DENND1B: variants seen among roughly 807,000 people sequenced by gnomAD.
DENND1B encodes the protein DENN domain-containing protein 1B.
Under a neutral mutation model 90.1 loss-of-function variants are expected in DENND1B, and 59 were observed. That is an observed-to-expected ratio of 0.65 (90% CI 0.53 to 0.81). The LOEUF (loss-of-function observed/expected upper bound fraction) is 0.81. Ranked by LOEUF, DENND1B falls within the 40% of genes least tolerant of loss-of-function variation. The pLI is 0.00. For missense variants in DENND1B, 862 were observed against 912.6 expected, an observed-to-expected ratio of 0.94 and a Z score of 0.71; for synonymous variants, 337 against 324.6, an observed-to-expected ratio of 1.04 and a Z score of -0.41.
chr1:197,747,641 C>T (rs1652880975), intron 2 of DENND1B, among the ~76,000 whole-genome samples: 1 of 152,184 alleles, frequency 6.6e-6, no homozygotes. Context: ...TTAAAAAATG[C>T]AATACCTAAA....
chr1:197,614,734 AATTT>A (rs1321328920), intron 11 of DENND1B, among the ~76,000 whole-genome samples: 1 of 150,954 alleles, frequency 6.6e-6, no homozygotes, highest in East Asian at 2.0e-4. Context: ...TAAAGAATAC[AATTT>A]TCCATTTTTT....
At chr1:197,702,705 T>C (rs1461886802) in intron 3 of DENND1B, among the ~76,000 whole-genome samples, 1 of 152,206 alleles carries the variant, frequency 6.6e-6, no homozygotes, top group Non-Finnish European at 1.5e-5. Flanking sequence ...CCTATTTTAC[T>C]AAAACATAAA....
chr1:197,552,610 T>G, intron 16 of DENND1B: 1 of 994,760 alleles, frequency 1.0e-6, no homozygotes, highest in South Asian at 4.6e-5. Flanking sequence ...AATTTTGGTG[T>G]TCAGACCCTT....
At chr1:197,747,898 G>A (rs930318724) in intron 2 of DENND1B, among the ~76,000 whole-genome samples, 1 of 152,200 alleles carries the variant, frequency 6.6e-6, no homozygotes, top group African/African-American at 2.4e-5. Context: ...TTGTGCCATA[G>A]ATAATAAAGT....
At chr1:197,683,185 A>T (rs1472127023) in intron 3 of DENND1B, among the ~76,000 whole-genome samples, 1 of 152,182 alleles carries the variant, frequency 6.6e-6, no homozygotes, top group African/African-American at 2.4e-5. Flanking sequence ...TGTCAAAACT[A>T]ATCTCATTGT....
chr1:197,702,733 T>C (rs1328573484), intron 3 of DENND1B, among the ~76,000 whole-genome samples: 5 of 152,208 alleles, frequency 3.3e-5, no homozygotes, highest in Admixed American at 3.3e-4. Flanking sequence ...TGGGCAGCTC[T>C]GGCAGTCTGT....
chr1:197,625,371 A>G (rs2125881406), intron 10 of DENND1B, among the ~76,000 whole-genome samples: 1 of 152,272 alleles, frequency 6.6e-6, no homozygotes, highest in Non-Finnish European at 1.5e-5. Flanking sequence ...AACATTCTTA[A>G]AGAAAAGAAT....
chr1:197,554,454 T>C (rs1369748596), intron 15 of DENND1B, among the ~76,000 whole-genome samples: 2 of 152,232 alleles, frequency 1.3e-5, no homozygotes, highest in South Asian at 4.1e-4. Context: ...GAAACTCAGA[T>C]ACTTCCTTGG....
At chr1:197,589,993 AT>A (rs974411319) in intron 14 of DENND1B, among the ~76,000 whole-genome samples, 8 of 152,220 alleles carry the variant, frequency 5.3e-5, no homozygotes, top group African/African-American at 1.7e-4. Flanking sequence ...AATTTGACTT[AT>A]TTTTTTATAG....
At chr1:197,579,658 G>A (rs776831650) in intron 15 of DENND1B, among the ~76,000 whole-genome samples, 1 of 152,020 alleles carries the variant, frequency 6.6e-6, no homozygotes, top group Non-Finnish European at 1.5e-5. Flanking sequence ...ATGAATTTAA[G>A]GACATTCTTA....
At chr1:197,774,524 T>C (rs1320756834) in intron 1 of DENND1B, 4 of 152,214 alleles carry the variant, frequency 2.6e-5, no homozygotes, top group African/African-American at 9.6e-5. Context: ...ATAAATACTT[T>C]AGCACACACA....
chr1:197,614,587 G>A lies in DENND1B; in HGVS notation c.774-2611C>T, dbSNP rs1379817920. Among the ~76,000 whole-genome samples, 3 of 150,922 alleles carry A rather than the reference G, an allele frequency of 2.0e-5. No homozygotes were observed. In the Admixed American group the frequency reaches 2.0e-4, roughly 10 times the overall value. On this transcript the variant is annotated intron_variant, in intron 11 of 22. Transcript: ENST00000620048. ...AGTTATTTTGCAAAGATAGGATACA[G>A]AAGCCTCCATATGATTGCTGCTTCT...
At chr1:197,527,458 T>C (rs533896918) in intron 20 of DENND1B, among the ~76,000 whole-genome samples, 1 of 152,188 alleles carries the variant, frequency 6.6e-6, no homozygotes, top group East Asian at 1.9e-4. Context: ...AATTTTGTAT[T>C]TTTAGTAGAG....
chr1:197,572,465 A>G (rs1673259579), intron 15 of DENND1B, among the ~76,000 whole-genome samples: 1 of 152,226 alleles, frequency 6.6e-6, no homozygotes. Flanking sequence ...TACTGCCTCT[A>G]TAGACTCCAC....
Position 197,553,064 on chromosome 1 carries a change from C to G in DENND1B, c.1198G>C (p.Asp400His), listed in dbSNP as rs1439956184. 3 of 1,557,950 alleles carry G rather than the reference C, an allele frequency of 1.9e-6. No homozygotes were observed. The African/African-American group carries it at 4.2e-5, about 22-fold the overall frequency. ...AKLNAGRGFS[D>H]VFEEEITSGG... ...GAAGTGATCTCTTCTTCAAATACAT[C>G]AGAGAAACCCCTTCCTGCATTTAGT... The change falls in exon 16 of 23, where the codon GAT (aspartate) becomes CAT (histidine). Residue 400 changes from aspartate (D) to histidine (H), a missense_variant. Physicochemically the swap from Asp to His is moderately conservative, Grantham distance 81. Transcript: ENST00000620048.
chr1:197,685,755 C>G (rs1657168300), intron 3 of DENND1B: 1 of 151,820 alleles, frequency 6.6e-6, no homozygotes, highest in South Asian at 2.1e-4. Context: ...AATTTAAAAT[C>G]TGAAGTCCTA....
chr1:197,536,643 T>C (rs1571780553), intron 20 of DENND1B, among the ~76,000 whole-genome samples: 1 of 152,086 alleles, frequency 6.6e-6, no homozygotes, highest in African/African-American at 2.4e-5. Flanking sequence ...AATCTAAAAC[T>C]AAAAAATCAA....
chr1:197,589,581 C>A (rs1473594871), intron 14 of DENND1B, among the ~76,000 whole-genome samples: 1 of 152,094 alleles, frequency 6.6e-6, no homozygotes, highest in African/African-American at 2.4e-5. Context: ...AATGTTAAGA[C>A]AAAGATTTAG....
rs1235185919 is a variant in DENND1B, at chr1:197,625,553, C to G, written c.673-7794G>C. Among the ~76,000 whole-genome samples the G allele has an allele frequency of 2.0e-5, 3 of 152,114 alleles. No homozygotes were observed. In the East Asian group the frequency reaches 5.8e-4, roughly 29 times the overall value. Reference sequence around the variant, plus strand: ...AAGGAACAACCGGTACCAGCCACTGCAAAATCATGCCAAATTGTAAAGACC... The same window carrying G: ...AAGGAACAACCGGTACCAGCCACTGGAAAATCATGCCAAATTGTAAAGACC... On this transcript the variant is annotated intron_variant, in intron 10 of 22. Transcript: ENST00000620048.
Sources: gnomAD v4.1 joint callset for allele counts (sites outside exome capture counted in the v4.1 genomes callset) on GRCh38, gnomAD v4.1.1 for gene constraint, MANE v1.5 for transcripts, NCBI Gene and HGNC (gene_info 2026-07-23, HGNC 2026-07-21) for gene names.